HSDL2: variants seen among roughly 807,000 people sequenced by gnomAD.
The protein encoded by HSDL2 is hydroxysteroid dehydrogenase like 2.
Under a neutral mutation model 46.3 loss-of-function variants are expected in HSDL2, and 27 were observed. The ratio of observed to expected loss-of-function variants is 0.58; its 90% CI spans 0.43 to 0.80. The LOEUF (loss-of-function observed/expected upper bound fraction) is 0.80. Ranked by LOEUF, HSDL2 falls within the 30% of genes least tolerant of loss-of-function variation. The pLI is 0.00. For synonymous variants in HSDL2, 153 were observed against 163.6 expected, an observed-to-expected ratio of 0.94 and a Z score of 0.50; for missense variants, 451 against 502.7, an observed-to-expected ratio of 0.90 and a Z score of 0.98.
intron 6 of HSDL2, among the ~76,000 whole-genome samples, chr9:112,429,001 C>T (rs1254395254): frequency 3.9e-5 from 6 of 152,244 alleles, no homozygotes; most frequent in South Asian, 2.1e-4. Flanking sequence ...CAGGTTCAAG[C>T]GATTCTCAGG....
chr9:112,386,210 C>T (rs1455275651), intron 1 of HSDL2, among the ~76,000 whole-genome samples: 1 of 152,092 alleles, frequency 6.6e-6, no homozygotes, highest in Non-Finnish European at 1.5e-5. Flanking sequence ...TCTTTCTAAA[C>T]AAGATTTCTG....
intron 10 of HSDL2, among the ~76,000 whole-genome samples, chr9:112,462,661 AGCTT>A (rs1401435958): frequency 2.7e-5 from 4 of 150,864 alleles, no homozygotes; most frequent in African/African-American, 9.7e-5. Flanking sequence ...TGAGCTTACT[AGCTT>A]TTTAAAAAAC....
Position 112,438,604 on chromosome 9 carries a change from G to C in HSDL2, c.772G>C (p.Asp258His). 6.3e-7 allele frequency: 1 copy of C among 1,593,732 alleles called. No individual in the cohort carries two copies. Among genetic ancestry groups the C allele is most frequent in the East Asian group, 2.2e-5 (1 of 44,586 alleles). Residue 258 changes from aspartate (D) to histidine (H), a missense_variant, in exon 7 of 11, where the codon GAC (aspartate) becomes CAC (histidine). Asp to His is a moderately conservative substitution (Grantham distance 81). Coordinates refer to ENST00000398805, the MANE Select transcript of HSDL2 (RefSeq NM_032303.5). ...AAAAGAAGAAGGAATAGAAAATTTT[G>C]ACGTTTATGCAATTAAACCAGGTAA... ...ILKEEGIENF[D>H]VYAIKPGHPL... is the part of the protein sequence containing the mutation.
intron 1 of HSDL2, among the ~76,000 whole-genome samples, chr9:112,403,439 G>T (rs949426020): frequency 6.6e-6 from 1 of 152,208 alleles, no homozygotes; most frequent in Non-Finnish European, 1.5e-5. Flanking sequence ...TTATTTCATT[G>T]TATGCGTGGC....
chr9:112,400,435 C>A (rs912718505), intron 1 of HSDL2, among the ~76,000 whole-genome samples: 1 of 152,132 alleles, frequency 6.6e-6, no homozygotes, highest in African/African-American at 2.4e-5. Context: ...GGTGAAACCC[C>A]ATCTCTACTA....
chr9:112,415,278 T>C (rs1250303044), intron 4 of HSDL2, among the ~76,000 whole-genome samples: 3 of 152,240 alleles, frequency 2.0e-5, no homozygotes, highest in Non-Finnish European at 4.4e-5. Context: ...AGAAGTACTA[T>C]GCCTATTAAG....
chr9:112,402,032 T>C (rs1468743483), intron 1 of HSDL2, among the ~76,000 whole-genome samples: 1 of 152,176 alleles, frequency 6.6e-6, no homozygotes, highest in Non-Finnish European at 1.5e-5. Flanking sequence ...TGCAAGAGTT[T>C]TATGTTCCTT....
chr9:112,406,332 G>A (rs139264438), intron 3 of HSDL2, among the ~76,000 whole-genome samples: 418 of 152,274 alleles, frequency 2.7e-3, no homozygotes, highest in Non-Finnish European at 4.7e-3. Flanking sequence ...ATCTATGTAT[G>A]TGAGAAAATT....
intron 1 of HSDL2, among the ~76,000 whole-genome samples, chr9:112,398,201 G>A (rs1030592165): frequency 6.6e-6 from 1 of 152,030 alleles, no homozygotes; most frequent in Non-Finnish European, 1.5e-5. Context: ...GGGCATCCAC[G>A]TGTGAAGAAG....
intron 1 of HSDL2, among the ~76,000 whole-genome samples, chr9:112,396,369 A>G (rs569315201): frequency 6.6e-6 from 1 of 152,308 alleles, no homozygotes; most frequent in African/African-American, 2.4e-5. Context: ...CCTAGTATCT[A>G]CTAGGCCCTC....
chr9:112,436,952 CTTTTTTTCTTTTTTT>C (rs1832538397), intron 6 of HSDL2, among the ~76,000 whole-genome samples: 3 of 113,718 alleles, frequency 2.6e-5, no homozygotes, highest in Admixed American at 2.6e-4. Context: ...TCTTTCTTTT[CTTTTTTTCTTTTTTT>C]TTTTTTTTTT....
At chr9:112,390,065 A>AAAATAAATAAAT (rs55985147) in intron 1 of HSDL2, among the ~76,000 whole-genome samples, 21,619 of 142,908 alleles carry the variant, frequency 0.15, 1,699 homozygotes, top group Middle Eastern at 0.23. Context: ...ACTCTGTCTC[A>AAAATAAATAAAT]AAATAAATAA....
At chr9:112,456,224 C>T (rs1833017997) in intron 9 of HSDL2, among the ~76,000 whole-genome samples, 1 of 152,232 alleles carries the variant, frequency 6.6e-6, no homozygotes, top group Non-Finnish European at 1.5e-5. Context: ...TAACAAACCA[C>T]ACAGCCCATC....
At chr9:112,432,205 G>A (rs570578365) in intron 6 of HSDL2, among the ~76,000 whole-genome samples, 44 of 152,148 alleles carry the variant, frequency 2.9e-4, no homozygotes, top group Admixed American at 2.7e-3. Context: ...ATAGTAATGC[G>A]AGAACAGACT....
rs200938880 is a variant in HSDL2 at position 112,404,158 on chromosome 9, A to G, written c.181A>G (p.Ile61Val). ...CACAATCTATACTGCTGCTGAAGAA[A>G]GTGAGTGTGACAGTGCCATTTGATA... ...LGTIYTAAEE[I>V]EAVGGKALPC... Residue 61 changes from isoleucine to valine, a missense_variant and splice_region_variant, in exon 2 of 11, where the codon ATT (isoleucine) becomes GTT (valine). Coordinates refer to ENST00000398805, the MANE Select transcript of HSDL2 (RefSeq NM_032303.5). 10 of 1,613,622 alleles carry G rather than the reference A, an allele frequency of 6.2e-6. No homozygotes were observed. The highest frequency in any genetic ancestry group is 7.6e-6 in the Non-Finnish European group (9 of 1,179,746).
chr9:112,453,123 G>A (rs550792890), intron 8 of HSDL2, among the ~76,000 whole-genome samples: 3 of 152,286 alleles, frequency 2.0e-5, no homozygotes, highest in South Asian at 2.1e-4. Flanking sequence ...TTTCTAACCC[G>A]TGATGGGAGG....
intron 9 of HSDL2, among the ~76,000 whole-genome samples, chr9:112,457,520 C>T (rs1833066859): frequency 6.6e-6 from 1 of 152,058 alleles, no homozygotes; most frequent in Non-Finnish European, 1.5e-5. Flanking sequence ...TGATGTGTGC[C>T]TATAATCCCA....
intron 3 of HSDL2, among the ~76,000 whole-genome samples, chr9:112,406,238 G>A (rs528334470): frequency 2.5e-4 from 38 of 152,182 alleles, no homozygotes; most frequent in African/African-American, 7.9e-4. Context: ...GGATGCAAGG[G>A]GGGTAGATGA....
chr9:112,459,132 T>G (rs944884637), intron 9 of HSDL2, among the ~76,000 whole-genome samples: 23 of 152,228 alleles, frequency 1.5e-4, no homozygotes, highest in African/African-American at 4.8e-4. Context: ...CCCCAGTCCC[T>G]GGAAACCACT....
Sources: allele counts gnomAD v4.1 joint callset (sites outside exome capture counted in the v4.1 genomes callset), GRCh38; gene constraint gnomAD v4.1.1; transcripts MANE v1.5; gene names NCBI Gene and HGNC (gene_info 2026-07-23, HGNC 2026-07-21).